Variants in WDR17 observed in about 807,000 individuals in gnomAD.
WDR17 encodes the protein WD repeat domain 17.
A neutral mutation model predicts 161.7 loss-of-function variants in WDR17; 143 were observed. That is an observed-to-expected ratio of 0.88 (90% CI 0.77 to 1.02). The LOEUF is 1.02. Ranked by LOEUF, WDR17 falls within the 50% of genes least tolerant of loss-of-function variation. The pLI is 0.00. For missense variants in WDR17, 1,469 were observed against 1,520.9 expected (o/e 0.97, Z 0.57); for synonymous variants, 517 against 515.6 (o/e 1.00, Z -0.04).
chr4:176,127,393 G>A (rs1437150541), intron 5 of WDR17, among the ~76,000 whole-genome samples: 2 of 151,848 alleles, frequency 1.3e-5, no homozygotes, highest in African/African-American at 4.8e-5. Flanking sequence ...CTGGGTTCAA[G>A]TGATTATCCT....
intron 2 of WDR17, among the ~76,000 whole-genome samples, chr4:176,114,129 G>A (rs991802848): frequency 1.3e-5 from 2 of 151,852 alleles, no homozygotes; most frequent in Non-Finnish European, 2.9e-5. Flanking sequence ...AAATAATGTA[G>A]GTTTTTTTCT....
At chr4:176,128,893 T>A (rs755533771) in intron 6 of WDR17, 33 bp downstream of exon 6, 18 of 1,507,364 alleles carry the variant, frequency 1.2e-5, no homozygotes, top group Non-Finnish European at 1.4e-5. Context: ...TTTTAATTTT[T>A]AAAAAATATT....
chr4:176,150,064 C>T lies in WDR17; in HGVS notation c.2069C>T (p.Thr690Ile), dbSNP rs931765236. The T allele has an allele frequency of 6.2e-7, 1 of 1,613,938 alleles. No individual in the cohort carries two copies. The highest frequency in any genetic ancestry group is 1.3e-5 in the African/African-American group (1 of 75,052). The change falls in exon 15 of 29, where the codon ACT (threonine) becomes ATT (isoleucine). Residue 690 changes from threonine to isoleucine, a missense_variant. Coordinates refer to ENST00000508596, the MANE Select transcript of WDR17 (RefSeq NM_181265.4). ...TCAGATTATGCTATAGAACCAGGCA[C>T]TCCTCCTCTACTGTGTGGTAAAGTG... The part of the protein sequence containing the change: ...GNTDYAIEPG[T>I]PPLLCGKVSR...
At chr4:176,167,417 C>T (rs1268891545) in intron 22 of WDR17, among the ~76,000 whole-genome samples, 2 of 151,090 alleles carry the variant, frequency 1.3e-5, no homozygotes, top group South Asian at 4.2e-4. Context: ...GAGGCCGAGG[C>T]GGGCGGATCA....
intron 7 of WDR17, among the ~76,000 whole-genome samples, chr4:176,133,336 T>A (rs1743858818): frequency 1.2e-5 from 1 of 84,764 alleles, no homozygotes; most frequent in Non-Finnish European, 2.4e-5. Flanking sequence ...ATCTAAAAAG[T>A]AAATTCTGCC....
Position 176,137,498 on chromosome 4 carries a change from G to A in WDR17, c.1268-22G>A. ...ATTTGTGGGAAACATTTAGTATAAT[G>A]TCTAACAAATTGTTTCCTAAGGTGG... On this transcript the variant is annotated intron_variant, in intron 8 of 28. Transcript: ENST00000508596. 3.2e-6 allele frequency: 5 copies of A among 1,565,382 alleles called. No homozygotes were observed. The East Asian group carries it at 6.8e-5, about 21-fold the overall frequency.
chr4:176,088,010 AT>A (rs1298494465), intron 1 of WDR17, among the ~76,000 whole-genome samples: 2 of 151,898 alleles, frequency 1.3e-5, no homozygotes, highest in Non-Finnish European at 2.9e-5. Context: ...TACCTGGCTA[AT>A]TTTTATATTT....
Position 176,174,711 on chromosome 4 carries a change from T to A in WDR17, c.3442T>A (p.Tyr1148Asn). 18 of 1,597,046 alleles carry A rather than the reference T, an allele frequency of 1.1e-5. No individual in the cohort carries two copies. Among genetic ancestry groups the A allele is most frequent in the Non-Finnish European group, 1.5e-5 (17 of 1,170,162 alleles). Residue 1148 changes from tyrosine to asparagine, a missense_variant, in exon 26 of 29, where the codon TAC becomes AAC. By Grantham distance (143) the Tyr-to-Asn change is moderately radical. Coordinates refer to ENST00000508596, the MANE Select transcript of WDR17 (RefSeq NM_181265.4). Reference sequence around the variant, plus strand: ...AAGCATTGTTCCAGCACTTTATGAGTACACAAGGTAAAAAAGGTTTTTTCC... The same window carrying A: ...AAGCATTGTTCCAGCACTTTATGAGAACACAAGGTAAAAAAGGTTTTTTCC... ...YQSIVPALYE[Y>N]TSQLLKRREV...
intron 1 of WDR17, among the ~76,000 whole-genome samples, chr4:176,087,913 G>A (rs958929185): frequency 6.6e-5 from 10 of 151,608 alleles, no homozygotes; most frequent in Non-Finnish European, 2.9e-5. Context: ...GCGCGATCTC[G>A]GCTCACTGCA....
chr4:176,111,508 T>C, intron 1 of WDR17, 67 bp from the exon 2 acceptor site: 1 of 1,538,092 alleles, frequency 6.5e-7, no homozygotes, highest in Non-Finnish European at 8.8e-7. Context: ...GGAAGATAGA[T>C]GTAAAACAAT....
At chr4:176,106,806 C>T (rs1738807058) in intron 1 of WDR17, among the ~76,000 whole-genome samples, 1 of 152,114 alleles carries the variant, frequency 6.6e-6, no homozygotes, top group Admixed American at 6.5e-5. Flanking sequence ...CAGAAAATAG[C>T]CAGGCATGAT....
intron 9 of WDR17, among the ~76,000 whole-genome samples, chr4:176,137,824 A>G (rs984972027): frequency 6.6e-6 from 1 of 151,652 alleles, no homozygotes; most frequent in African/African-American, 2.4e-5. Flanking sequence ...AGAGAGTCAA[A>G]GGAATTTTTG....
intron 1 of WDR17, among the ~76,000 whole-genome samples, chr4:176,097,078 A>G (rs913795609): frequency 6.6e-6 from 1 of 151,936 alleles, no homozygotes; most frequent in Non-Finnish European, 1.5e-5. Flanking sequence ...AACAAACTGC[A>G]TTGTTAGTGT....
chr4:176,146,697 CAGTA>C (rs1746229474), intron 12 of WDR17, among the ~76,000 whole-genome samples: 1 of 152,102 alleles, frequency 6.6e-6, no homozygotes, highest in Admixed American at 6.5e-5. Flanking sequence ...CCTACAATAA[CAGTA>C]AGTTATTTTG....
At chr4:176,089,381 G>T (rs1223206686) in intron 1 of WDR17, among the ~76,000 whole-genome samples, 9 of 152,108 alleles carry the variant, frequency 5.9e-5, no homozygotes, top group Admixed American at 3.9e-4. Flanking sequence ...GATTATCATA[G>T]TTCATTCTAA....
intron 11 of WDR17, among the ~76,000 whole-genome samples, chr4:176,143,723 C>G (rs773290918): frequency 5.9e-5 from 9 of 151,770 alleles, no homozygotes; most frequent in Non-Finnish European, 1.3e-4. Context: ...TTTTCCTAAC[C>G]ATCAACTTGC....
chr4:176,071,822 G>A (rs1345515763), intron 1 of WDR17, among the ~76,000 whole-genome samples: 2 of 152,128 alleles, frequency 1.3e-5, no homozygotes, highest in East Asian at 3.8e-4. Context: ...CATTTTCATG[G>A]CTAAAATGGA....
chr4:176,161,909 G>A (rs976819142), intron 20 of WDR17, among the ~76,000 whole-genome samples, 166 bp from the exon 21 acceptor site: 3 of 152,136 alleles, frequency 2.0e-5, no homozygotes, highest in African/African-American at 7.2e-5. Context: ...CCGTATACTT[G>A]TAAAGACCAC....
intron 1 of WDR17, among the ~76,000 whole-genome samples, chr4:176,074,139 C>A (rs1008290358): frequency 1.3e-5 from 2 of 151,676 alleles, no homozygotes; most frequent in African/African-American, 4.8e-5. Flanking sequence ...GCTTTTGTTG[C>A]CATTGCTTTT....
Sources: gnomAD v4.1 joint callset for allele counts (sites outside exome capture counted in the v4.1 genomes callset) on GRCh38, gnomAD v4.1.1 for gene constraint, MANE v1.5 for transcripts, NCBI Gene and HGNC (gene_info 2026-07-23, HGNC 2026-07-21) for gene names.